The following SLC44A5 variants were observed in gnomAD, a reference collection of about 807,000 sequenced individuals.
SLC44A5 encodes the protein solute carrier family 44 member 5, also known as choline transporter-like protein 5.
A neutral mutation model predicts 101.8 loss-of-function variants in SLC44A5; 57 were observed. That is an observed-to-expected ratio of 0.56 (90% CI 0.45 to 0.70). The LOEUF (loss-of-function observed/expected upper bound fraction) is 0.70, where lower values mean the gene tolerates loss of function less well. SLC44A5 is among the 30% of genes least tolerant of loss of function. SLC44A5 has a pLI of 0.00. For synonymous variants in SLC44A5, 281 were observed against 290.9 expected (o/e 0.97, Z 0.35); for missense variants, 737 against 853.1 (o/e 0.86, Z 1.70).
chr1:75,587,877 C>T lies in SLC44A5; in HGVS notation c.-70+23163G>A, dbSNP rs148048386. ...TCAACACAACCTCTTGGAGGTTTTA[C>T]TGCGTCTGGCACTCGCAGGTTCCCC... On this transcript the variant is annotated intron_variant, in intron 1 of 23. Transcript: ENST00000370859. 1.2e-3 allele frequency among the ~76,000 whole-genome samples: 190 copies of T among 152,310 alleles called. 1 individual carries two copies. The highest frequency in any genetic ancestry group is 4.5e-3 in the African/African-American group (186 of 41,568).
chr1:75,641,391 A>G, the SLC44A5 span: 1 of 935,764 alleles, frequency 1.1e-6, no homozygotes, highest in Non-Finnish European at 1.7e-6. Flanking sequence ...TGTGTATATG[A>G]GCTTGATTTT....
At chr1:75,661,363 C>T in the SLC44A5 span, among the ~76,000 whole-genome samples, 1,001 of 80,888 alleles carry the variant, frequency 0.012, 9 homozygotes, top group African/African-American at 0.042. Context: ...AATGTATGAC[C>T]TAAAACTATG....
At chr1:75,494,427 C>G (rs747952055) in intron 2 of SLC44A5, among the ~76,000 whole-genome samples, 8 of 152,162 alleles carry the variant, frequency 5.3e-5, no homozygotes, top group Non-Finnish European at 1.0e-4. Flanking sequence ...GGAATTAACT[C>G]CAAACTTGCA....
intron 1 of SLC44A5, among the ~76,000 whole-genome samples, chr1:75,571,920 A>C (rs1037808639): frequency 6.6e-6 from 1 of 152,222 alleles, no homozygotes; most frequent in Non-Finnish European, 1.5e-5. Flanking sequence ...CAACAAATGA[A>C]TTAGAATTAG....
At chr1:75,269,499 C>G (rs1219496731) in intron 6 of SLC44A5, among the ~76,000 whole-genome samples, 2 of 151,836 alleles carry the variant, frequency 1.3e-5, no homozygotes, top group African/African-American at 2.4e-5. Context: ...TAAATATACC[C>G]TTGCATTTTC....
At chr1:75,643,563 T>C in the SLC44A5 span, among the ~76,000 whole-genome samples, 2 of 152,210 alleles carry the variant, frequency 1.3e-5, no homozygotes, top group Admixed American at 6.6e-5. Flanking sequence ...TCTTGAATTA[T>C]AGCTCCCATA....
intron 1 of SLC44A5, chr1:75,582,146 C>T (rs370595704): frequency 6.8e-5 from 52 of 761,224 alleles, no homozygotes; most frequent in African/African-American, 5.4e-4. Flanking sequence ...GAATATGGCA[C>T]AGAAATTGCC....
At chr1:75,412,791 T>A (rs944099808) in intron 2 of SLC44A5, among the ~76,000 whole-genome samples, 1 of 152,158 alleles carries the variant, frequency 6.6e-6, no homozygotes, top group Admixed American at 6.6e-5. Flanking sequence ...AGGTGAATCA[T>A]CCCTTTGTCC....
At chr1:75,608,487 C>T (rs112265831) in intron 1 of SLC44A5, among the ~76,000 whole-genome samples, 106 of 152,024 alleles carry the variant, frequency 7.0e-4, no homozygotes, top group Middle Eastern at 3.4e-3. Flanking sequence ...TCAACACAGT[C>T]GCCGTAGCAA....
chr1:75,473,161 T>C (rs1475253717), intron 2 of SLC44A5, among the ~76,000 whole-genome samples: 2 of 152,196 alleles, frequency 1.3e-5, no homozygotes, highest in African/African-American at 4.8e-5. Context: ...AGTGTCCTTT[T>C]TTATGCATGA....
chr1:75,467,620 G>T (rs1666893854), intron 2 of SLC44A5, among the ~76,000 whole-genome samples: 1 of 152,132 alleles, frequency 6.6e-6, no homozygotes, highest in Non-Finnish European at 1.5e-5. Flanking sequence ...GGGAAAACAG[G>T]TTATCTATAT....
At chr1:75,687,652 A>G in the SLC44A5 span, among the ~76,000 whole-genome samples, 1 of 152,194 alleles carries the variant, frequency 6.6e-6, no homozygotes, top group African/African-American at 2.4e-5. Flanking sequence ...AAAGAAACCT[A>G]TAAGAATAGA....
intron 2 of SLC44A5, among the ~76,000 whole-genome samples, chr1:75,508,175 T>C (rs1224464954): frequency 6.6e-6 from 1 of 152,098 alleles, no homozygotes; most frequent in Non-Finnish European, 1.5e-5. Context: ...TCTTGGACCA[T>C]AGTAGAATAA....
chr1:75,444,967 T>C (rs898670153), intron 2 of SLC44A5, among the ~76,000 whole-genome samples: 6 of 152,096 alleles, frequency 3.9e-5, no homozygotes, highest in South Asian at 2.1e-4. Context: ...GGGAAATAAT[T>C]AACCGTGAGA....
chr1:75,400,916 T>C (rs1662438185), intron 2 of SLC44A5, among the ~76,000 whole-genome samples: 1 of 152,220 alleles, frequency 6.6e-6, no homozygotes, highest in Non-Finnish European at 1.5e-5. Context: ...AATTGGATTC[T>C]TTTTGATTGC....
At chr1:75,238,421 T>A (rs1648316813) in intron 10 of SLC44A5, 92 bp downstream of exon 10, 1 of 556,838 alleles carries the variant, frequency 1.8e-6, no homozygotes, top group East Asian at 5.1e-5. Flanking sequence ...TATGTGATTA[T>A]TTTCCTATAA....
intron 2 of SLC44A5, among the ~76,000 whole-genome samples, chr1:75,499,808 T>C (rs1277301749): frequency 1.3e-5 from 2 of 152,198 alleles, no homozygotes; most frequent in African/African-American, 2.4e-5. Context: ...TTACCCACTA[T>C]GGCAGAGAAT....
At chr1:75,409,677 T>C (rs753468822) in intron 2 of SLC44A5, among the ~76,000 whole-genome samples, 11 of 152,058 alleles carry the variant, frequency 7.2e-5, no homozygotes, top group Non-Finnish European at 1.6e-4. Context: ...TTTAAAATTA[T>C]TGATATTTCA....
intron 5 of SLC44A5, among the ~76,000 whole-genome samples, chr1:75,284,196 C>A (rs1161880720): frequency 6.6e-6 from 1 of 152,016 alleles, no homozygotes; most frequent in Admixed American, 6.6e-5. Flanking sequence ...TTGTAGTTTT[C>A]TGTGTAGCGA....
Sources: gnomAD v4.1 joint callset for allele counts (sites outside exome capture counted in the v4.1 genomes callset) on GRCh38, gnomAD v4.1.1 for gene constraint, MANE v1.5 for transcripts, NCBI Gene and HGNC (gene_info 2026-07-23, HGNC 2026-07-21) for gene names.